The following PCDHA6 variants were observed in gnomAD, a reference collection of about 807,000 sequenced individuals.
The protein encoded by PCDHA6 is protocadherin alpha 6.
PCDHA6 carries 55 observed loss-of-function variants against 60.3 expected under a neutral mutation model. The ratio of observed to expected loss-of-function variants is 0.91; its 90% CI spans 0.73 to 1.14. The LOEUF is 1.14. Ranked by LOEUF, PCDHA6 falls within the 50% of genes most tolerant of loss-of-function variation. The probability of loss-of-function intolerance (pLI) is 0.00; values close to 1 mark genes in which losing one functional copy is unlikely to be tolerated. For synonymous variants in PCDHA6, 652 were observed against 557.9 expected (o/e 1.17, Z -2.38); for missense variants, 1,327 against 1,256.5 (o/e 1.06, Z -0.85).
intron 1 of PCDHA6, among the ~76,000 whole-genome samples, chr5:140,964,595 T>G (rs1233382494): frequency 6.6e-6 from 1 of 152,116 alleles, no homozygotes; most frequent in East Asian, 1.9e-4. Context: ...TCACTTTTCA[T>G]GACAACTTAC....
At chr5:140,858,726 C>T (rs115774489) in intron 1 of PCDHA6, 5,491 of 481,664 alleles carry the variant, frequency 0.011, 341 homozygotes, top group Non-Finnish European at 0.014. Flanking sequence ...GCAGTTCTGA[C>T]GATTTACTTT....
Position 140,870,192 on chromosome 5 carries a change from G to T in PCDHA6, c.2394+39707G>T. 6 of 1,614,158 alleles carry T rather than the reference G, an allele frequency of 3.7e-6. No homozygotes were observed. Among genetic ancestry groups the T allele is most frequent in the Non-Finnish European group, 5.1e-6 (6 of 1,180,034 alleles). ...CCCTCCCAGTACGAGAGGACGCTCAGCCCAGCACGGTCATTGCCCTGATCA... is the reference window on the plus strand; with the variant it reads ...CCCTCCCAGTACGAGAGGACGCTCATCCCAGCACGGTCATTGCCCTGATCA... On this transcript the variant is annotated intron_variant, in intron 1 of 3. Coordinates refer to ENST00000529310, the MANE Select transcript of PCDHA6 (RefSeq NM_018909.4).
intron 1 of PCDHA6, chr5:140,871,154 G>T (rs781880372): frequency 2.5e-5 from 41 of 1,613,308 alleles, no homozygotes; most frequent in Non-Finnish European, 3.5e-5. Flanking sequence ...ACTTTGGCGG[G>T]CGCCGCGAGC....
intron 1 of PCDHA6, chr5:140,849,943 ACG>A (rs2041244627): frequency 1.3e-6 from 2 of 1,597,782 alleles, no homozygotes; most frequent in Admixed American, 1.7e-5. Context: ...CGGGACGCTG[ACG>A]CGCAGGAGAA....
chr5:140,838,754 T>C lies in PCDHA6; in HGVS notation c.2394+8269T>C, dbSNP rs1775868330. Among the ~76,000 whole-genome samples, 3 of 152,010 alleles carry C rather than the reference T, an allele frequency of 2.0e-5. No individual in the cohort carries two copies. In the South Asian group the frequency reaches 6.2e-4, roughly 32 times the overall value. On this transcript the variant is annotated intron_variant, in intron 1 of 3. Transcript: ENST00000529310. ...AGTTTGAGACCAGCTTGTGCATCTT[T>C]TGTAGAGACTTTGTAAAATTAGCTA...
chr5:140,935,870 T>C (rs1486682424), intron 1 of PCDHA6, among the ~76,000 whole-genome samples: 1 of 151,620 alleles, frequency 6.6e-6, no homozygotes, highest in East Asian at 1.9e-4. Context: ...TAGCAATTAA[T>C]GAGCTCCAAT....
rs201572428 is a variant in PCDHA6, at chr5:140,982,529, T to A, written c.2508T>A (p.Asp836Glu). 220 of 1,614,200 alleles carry A rather than the reference T, an allele frequency of 1.4e-4. No homozygotes were observed. Among genetic ancestry groups the A allele is most frequent in the Non-Finnish European group, 1.7e-4 (202 of 1,180,036 alleles). Reference sequence around the variant, plus strand: ...TACGGGCTGGTCCAGGAGGGCCTGATCAGCAGTGGCCAACAGTATCCAGTG... The same window carrying A: ...TACGGGCTGGTCCAGGAGGGCCTGAACAGCAGTGGCCAACAGTATCCAGTG... ...GILRAGPGGP[D>E]QQWPTVSSAT... Residue 836 changes from aspartate (D) to glutamate (E), a missense_variant, in exon 3 of 4, where the codon GAT becomes GAA. Transcript: ENST00000529310.
At position 140,927,971 on chromosome 5, in the gene PCDHA6, C is replaced by T. The variant is rs868922082; in HGVS notation, c.2395-50978C>T. On this transcript the variant is annotated intron_variant, in intron 1 of 3. Transcript: ENST00000529310. ...GACGCTGCCCCTGGCACAGTGATTGCTCTCTTTAGTGTAAAGGATGAAGAC... is the reference window on the plus strand; with the variant it reads ...GACGCTGCCCCTGGCACAGTGATTGTTCTCTTTAGTGTAAAGGATGAAGAC... 5.0e-6 allele frequency: 8 copies of T among 1,614,224 alleles called. No homozygotes were observed. In the African/African-American group the frequency reaches 9.3e-5, roughly 19 times the overall value.
Position 140,843,574 on chromosome 5 carries a change from G to T in PCDHA6, c.2394+13089G>T, listed in dbSNP as rs2150362915. On this transcript the variant is annotated intron_variant, in intron 1 of 3. Transcript: ENST00000529310. ...GTGCGGTGGGGAGCTGGTCATACTC[G>T]CAACAACAGCCGCAGAGGGTGTGCT... 67 of 1,595,908 alleles carry T rather than the reference G, an allele frequency of 4.2e-5. 3 individuals are homozygous for T. The East Asian group carries it at 1.4e-3, about 34-fold the overall frequency.
chr5:140,856,173 C>T (rs782775861), intron 1 of PCDHA6: 10 of 1,598,116 alleles, frequency 6.3e-6, no homozygotes, highest in African/African-American at 1.3e-5. Flanking sequence ...AGACACGGCA[C>T]CTTCGTGGGC....
intron 2 of PCDHA6, 93 bp downstream of exon 2, chr5:140,979,100 A>C (rs1325676942): frequency 6.5e-7 from 1 of 1,545,710 alleles, no homozygotes; most frequent in African/African-American, 1.4e-5. Context: ...CAGCTGTCAA[A>C]ACTAAAAAGC....
chr5:140,953,340 C>T (rs2094876353), intron 1 of PCDHA6, among the ~76,000 whole-genome samples: 1 of 152,066 alleles, frequency 6.6e-6, no homozygotes, highest in Non-Finnish European at 1.5e-5. Context: ...TAGGGCTCAC[C>T]TTCTTTTGTT....
At chr5:140,922,373 C>A (rs1337198160) in intron 1 of PCDHA6, among the ~76,000 whole-genome samples, 1 of 152,158 alleles carries the variant, frequency 6.6e-6, no homozygotes, top group African/African-American at 2.4e-5. Context: ...CACTGAGATG[C>A]AAAACCAAAG....
At chr5:140,883,924 G>T (rs1554180605) in intron 1 of PCDHA6, 14 of 1,613,506 alleles carry the variant, frequency 8.7e-6, no homozygotes, top group Non-Finnish European at 1.1e-5. Context: ...TGACGCTGCA[G>T]GTGTTCGTGC....
intron 3 of PCDHA6, among the ~76,000 whole-genome samples, chr5:140,999,698 T>C (rs903538308): frequency 2.0e-5 from 3 of 152,192 alleles, no homozygotes; most frequent in Non-Finnish European, 4.4e-5. Flanking sequence ...ATGTGATTTT[T>C]TTTTAGCTAA....
In PCDHA6 at chr5:140,977,177, T is replaced by G. The variant is rs139020033; in HGVS notation, c.2395-1772T>G. On this transcript the variant is annotated intron_variant, in intron 1 of 3. Coordinates refer to ENST00000529310, the MANE Select transcript of PCDHA6 (RefSeq NM_018909.4). ...CCTTTCAGCAAAATGAGTTTGATGA[T>G]TTCATTCCAAAGATCAAGTTGCAGC... 6.8e-3 allele frequency among the ~76,000 whole-genome samples: 1,032 copies of G among 152,274 alleles called. 9 individuals are homozygous for G. Among genetic ancestry groups the G allele is most frequent in the African/African-American group, 0.023 (966 of 41,542 alleles).
intron 1 of PCDHA6, among the ~76,000 whole-genome samples, chr5:140,960,605 A>G (rs1405858302): frequency 6.6e-6 from 1 of 152,184 alleles, no homozygotes; most frequent in Non-Finnish European, 1.5e-5. Flanking sequence ...TACTTCAACA[A>G]TATCTAGTGT....
chr5:140,857,878 G>A (rs2044977263), intron 1 of PCDHA6: 5 of 1,597,814 alleles, frequency 3.1e-6, no homozygotes, highest in East Asian at 4.5e-5. Context: ...CGTATGAATT[G>A]CAGTCGGCGG....
At chr5:140,864,390 A>G (rs1314124193) in intron 1 of PCDHA6, 1 of 152,190 alleles carries the variant, frequency 6.6e-6, no homozygotes. Flanking sequence ...ATCTCTCACA[A>G]ATGGTGATGA....
Sources: gnomAD v4.1 joint callset for allele counts (sites outside exome capture counted in the v4.1 genomes callset) on GRCh38, gnomAD v4.1.1 for gene constraint, MANE v1.5 for transcripts, NCBI Gene and HGNC (gene_info 2026-07-23, HGNC 2026-07-21) for gene names.